The following BIN2 variants were observed in gnomAD, a reference collection of about 807,000 sequenced individuals.
BIN2 encodes bridging integrator 2.
A neutral mutation model predicts 67.9 loss-of-function variants in BIN2; 43 were observed. The observed-to-expected ratio is 0.63, with a 90% CI of 0.50 to 0.82. The LOEUF (loss-of-function observed/expected upper bound fraction) is 0.82. Ranked by LOEUF, BIN2 falls within the 40% of genes least tolerant of loss-of-function variation. The pLI, the probability that BIN2 is intolerant of heterozygous loss-of-function variation, is 0.00. For synonymous variants in BIN2, 244 were observed against 246.8 expected (o/e 0.99, Z 0.11); for missense variants, 581 against 671.6 (o/e 0.87, Z 1.49).
At chr12:51,322,210 C>T (rs1265031940) in intron 1 of BIN2, among the ~76,000 whole-genome samples, 1 of 152,104 alleles carries the variant, frequency 6.6e-6, no homozygotes, top group Admixed American at 6.6e-5. Flanking sequence ...TCATCAAGAA[C>T]ATCAACCCTC....
At chr12:51,305,623 CA>C (rs201641166) in intron 2 of BIN2, among the ~76,000 whole-genome samples, 16,539 of 118,908 alleles carry the variant, frequency 0.14, 937 homozygotes, top group East Asian at 0.25. Flanking sequence ...AACTCCATCT[CA>C]AAAAAAAAAA....
At position 51,313,220 on chromosome 12, in the gene BIN2, A is replaced by AAGGAAGGAAGGAAGGAAGGC. The variant is rs1319737260; in HGVS notation, c.162+602_162+603insGCCTTCCTTCCTTCCTTCCT. Among the ~76,000 whole-genome samples the AAGGAAGGAAGGAAGGAAGGC allele has an allele frequency of 3.9e-3, 541 of 138,146 alleles. 26 individuals are homozygous for AAGGAAGGAAGGAAGGAAGGC. In the East Asian group the frequency reaches 0.082, roughly 21 times the overall value. 90.6% of individuals were successfully genotyped at this position (138,146 alleles called of 152,430 possible). On this transcript the variant is annotated intron_variant, in intron 2 of 12. Transcript: ENST00000615107. ...GAAGGAAGGAAGGAAGGAAGGAAGG[A>AAGGAAGGAAGGAAGGAAGGC]AGGCAGGAAGGCAGGCAGGCAGGCA...
At chr12:51,295,224 C>T (rs533102357) in intron 9 of BIN2, among the ~76,000 whole-genome samples, 1 of 127,648 alleles carries the variant, frequency 7.8e-6, no homozygotes, top group East Asian at 2.1e-4. Context: ...GGATTATAGG[C>T]ATGAGCCACC....
intron 6 of BIN2, 122 bp downstream of exon 6, chr12:51,299,485 T>C (rs1032886357): frequency 9.5e-7 from 1 of 1,053,414 alleles, no homozygotes; most frequent in African/African-American, 1.6e-5. Context: ...AGATTTCCTT[T>C]AGGACACTGG....
intron 1 of BIN2, among the ~76,000 whole-genome samples, chr12:51,320,634 CT>C (rs76824967): frequency 0.02 from 1,965 of 98,710 alleles, 15 homozygotes; most frequent in Middle Eastern, 0.051. Flanking sequence ...TATCATTATT[CT>C]TTTTTTTTTT....
Position 51,313,860 on chromosome 12 carries a change from C to A in BIN2, c.125G>T (p.Arg42Leu). Residue 42 changes from arginine (R) to leucine (L), a missense_variant, in exon 2 of 13, where the codon CGA becomes CTA. Physicochemically the swap from Arg to Leu is moderately radical, Grantham distance 102 (BLOSUM62 -2). Coordinates refer to ENST00000615107, the MANE Select transcript of BIN2 (RefSeq NM_016293.4). ...LGKAVETKDE[R>L]FEQSASNFYQ... The stretch of plus-strand genomic sequence containing the variant: ...GAAGTTGCTAGCGCTTTGTTCAAAT[C>A]GTTCATCTTTGGTTTCTACAGCTTT... 6.2e-7 allele frequency: 1 copy of A among 1,613,836 alleles called. No individual in the cohort carries two copies. The highest frequency in any genetic ancestry group is 1.7e-5 in the Admixed American group (1 of 60,000).
At chr12:51,291,448 G>T in intron 10 of BIN2, 143 bp downstream of exon 10, 1 of 783,532 alleles carries the variant, frequency 1.3e-6, no homozygotes, top group Non-Finnish European at 1.9e-6. Context: ...ATCTCTGTTG[G>T]CAGAGGATCA....
chr12:51,288,384 C>T (rs1039630873), intron 10 of BIN2, among the ~76,000 whole-genome samples, 196 bp from the exon 11 acceptor site: 1 of 152,236 alleles, frequency 6.6e-6, no homozygotes, highest in African/African-American at 2.4e-5. Flanking sequence ...CGGATATACA[C>T]ATGGCTCATG....
At chr12:51,283,001 C>G (rs1441229091) in intron 12 of BIN2, among the ~76,000 whole-genome samples, 1 of 151,658 alleles carries the variant, frequency 6.6e-6, no homozygotes, top group African/African-American at 2.4e-5. Flanking sequence ...GTAATCCCAG[C>G]ATCCCAGCAC....
chr12:51,302,240 G>T, intron 4 of BIN2, 125 bp from the exon 5 acceptor site: 1 of 650,354 alleles, frequency 1.5e-6, no homozygotes, highest in Non-Finnish European at 2.7e-6. Context: ...TACCATGTTG[G>T]ATTCTGGGGA....
upstream of BIN2, chr12:51,324,457 C>T (rs1345844309): frequency 6.0e-6 from 9 of 1,507,762 alleles, no homozygotes; most frequent in Admixed American, 4.3e-5. Context: ...CACTGCAAAG[C>T]AACTGCCACC....
chr12:51,317,692 A>T (rs948982273), intron 1 of BIN2, among the ~76,000 whole-genome samples: 8 of 152,026 alleles, frequency 5.3e-5, no homozygotes, highest in African/African-American at 9.6e-5. Context: ...AAATTAAATT[A>T]AAAAAGAAAA....
intron 7 of BIN2, among the ~76,000 whole-genome samples, chr12:51,298,376 AAAAC>A (rs937143958): frequency 6.6e-6 from 1 of 151,982 alleles, no homozygotes; most frequent in African/African-American, 2.4e-5. Context: ...GTCTCAAAAC[AAAAC>A]AAACAAACAA....
intron 7 of BIN2, among the ~76,000 whole-genome samples, chr12:51,298,722 A>G (rs1945636036): frequency 6.6e-6 from 1 of 152,092 alleles, no homozygotes; most frequent in Non-Finnish European, 1.5e-5. Context: ...TCTCTTGTAC[A>G]ATAAAAAGAA....
chr12:51,320,634 CTTTTT>C (rs76824967), intron 1 of BIN2, among the ~76,000 whole-genome samples: 2 of 98,734 alleles, frequency 2.0e-5, no homozygotes, highest in African/African-American at 3.8e-5. Flanking sequence ...TATCATTATT[CTTTTT>C]TTTTTTTTTT....
At chr12:51,296,374 G>A (rs1377490028) in intron 8 of BIN2, among the ~76,000 whole-genome samples, 1 of 151,938 alleles carries the variant, frequency 6.6e-6, no homozygotes, top group Non-Finnish European at 1.5e-5. Context: ...GTGGGCACCT[G>A]TAGTCCCAGC....
chr12:51,281,933 A>T (rs540889490), intron 12 of BIN2, among the ~76,000 whole-genome samples: 6 of 151,924 alleles, frequency 3.9e-5, no homozygotes, highest in Admixed American at 6.6e-5. Context: ...TAAAAAAAAA[A>T]TTTGTTGCCT....
intron 2 of BIN2, among the ~76,000 whole-genome samples, chr12:51,303,346 G>A (rs1213602762): frequency 6.6e-6 from 1 of 152,176 alleles, no homozygotes; most frequent in Non-Finnish European, 1.5e-5. Context: ...ATGGGTGCTT[G>A]CTAAAGCTCC....
At chr12:51,308,116 C>G (rs778774604) in intron 2 of BIN2, among the ~76,000 whole-genome samples, 36 of 152,118 alleles carry the variant, frequency 2.4e-4, no homozygotes, top group Middle Eastern at 6.8e-3. Flanking sequence ...TCTGTCCCCC[C>G]CTGGAATATA....
Sources: gnomAD v4.1 joint callset for allele counts (sites outside exome capture counted in the v4.1 genomes callset) on GRCh38, gnomAD v4.1.1 for gene constraint, MANE v1.5 for transcripts, NCBI Gene and HGNC (gene_info 2026-07-23, HGNC 2026-07-21) for gene names.